UGT1A10: variants seen among roughly 807,000 people sequenced by gnomAD.
The protein encoded by UGT1A10 is UDP glucuronosyltransferase family 1 member A10, also known as UDP-glucuronosyltransferase 1A10.
UGT1A10 carries 49 observed loss-of-function variants against 45.8 expected under a neutral mutation model. That is an observed-to-expected ratio of 1.07 (90% CI 0.85 to 1.36). The LOEUF is 1.36. Among genes scored for constraint, UGT1A10 ranks in the 40% most tolerant of loss-of-function variants. UGT1A10 has a pLI of 0.00. For synonymous variants in UGT1A10, 284 were observed against 249.7 expected, an observed-to-expected ratio of 1.14 and a Z score of -1.29; for missense variants, 745 against 668.6, an observed-to-expected ratio of 1.11 and a Z score of -1.26.
At chr2:233,767,711 C>G (rs990338657) in intron 2 of UGT1A10, 138 bp from the exon 3 acceptor site, 47 of 1,530,966 alleles carry the variant, frequency 3.1e-5, no homozygotes, top group Non-Finnish European at 4.1e-5. Flanking sequence ...TCCTCAGAAG[C>G]CTTCACAGTT....
At chr2:233,726,020 T>C (rs1287334417) in intron 1 of UGT1A10, among the ~76,000 whole-genome samples, 1 of 152,052 alleles carries the variant, frequency 6.6e-6, no homozygotes, top group African/African-American at 2.4e-5. Context: ...CAAAAAATTA[T>C]CCAGGTGTGA....
intron 1 of UGT1A10, among the ~76,000 whole-genome samples, chr2:233,762,341 A>C (rs1325926558): frequency 6.6e-6 from 1 of 152,206 alleles, no homozygotes; most frequent in Non-Finnish European, 1.5e-5. Flanking sequence ...AGCTCTTTTT[A>C]GTTCTTTGTA....
chr2:233,743,560 C>T (rs1242175284), intron 1 of UGT1A10: 1 of 1,367,302 alleles, frequency 7.3e-7, no homozygotes. Context: ...AAATATTCTC[C>T]AGCGGGTTTC....
In UGT1A10 at chr2:233,745,331, C is replaced by A. The variant is rs932563797; in HGVS notation, c.856-21703C>A. Among the ~76,000 whole-genome samples, 35 of 151,966 alleles carry A rather than the reference C, an allele frequency of 2.3e-4. 1 individual carries two copies. The highest frequency in any genetic ancestry group is 8.2e-4 in the African/African-American group (34 of 41,248). ...ATTATTTCCACTAGAACTGCTATAT[C>A]ATGACCATGAATTTTGGGGGAATTT... is the stretch of plus-strand genomic sequence containing the variant. On this transcript the variant is annotated intron_variant, in intron 1 of 4. Transcript: ENST00000344644.
At chr2:233,737,433 A>G (rs1419343847) in intron 1 of UGT1A10, among the ~76,000 whole-genome samples, 1 of 152,146 alleles carries the variant, frequency 6.6e-6, no homozygotes, top group Non-Finnish European at 1.5e-5. Context: ...TTTGGGTGGG[A>G]GTGTCCCGTT....
rs28900383 is a variant in UGT1A10, at chr2:233,748,795, A to T, written c.856-18239A>T. Among the ~76,000 whole-genome samples the T allele has an allele frequency of 9.8e-3, 1,488 of 151,368 alleles. 50 individuals are homozygous for T. The highest frequency in any genetic ancestry group is 0.035 in the African/African-American group (1,419 of 40,884). ...ATTGGGTCTTCTACTTGGAATGCTGAAATTATCAAGAAATTGTGGAAGGGT... is the reference window on the plus strand; with the variant it reads ...ATTGGGTCTTCTACTTGGAATGCTGTAATTATCAAGAAATTGTGGAAGGGT... On this transcript the variant is annotated intron_variant, in intron 1 of 4. Transcript: ENST00000344644.
At chr2:233,690,030 T>C in intron 1 of UGT1A10, 1 of 429,918 alleles carries the variant, frequency 2.3e-6, no homozygotes, top group South Asian at 1.7e-5. Flanking sequence ...CCTCAAGATC[T>C]GGGCCCAGAG....
intron 1 of UGT1A10, among the ~76,000 whole-genome samples, chr2:233,671,674 G>A (rs1296759173): frequency 6.6e-6 from 1 of 152,186 alleles, no homozygotes; most frequent in Non-Finnish European, 1.5e-5. Context: ...ACTTAACATT[G>A]CAGCACAGGG....
At chr2:233,713,670 G>GT in intron 1 of UGT1A10, 1 of 1,613,956 alleles carries the variant, frequency 6.2e-7, no homozygotes, top group Non-Finnish European at 8.5e-7. Context: ...TTGCCATGCT[G>GT]TTTCTGCTCC....
chr2:233,638,593 A>G (rs2073366614), intron 1 of UGT1A10, among the ~76,000 whole-genome samples: 2 of 152,224 alleles, frequency 1.3e-5, no homozygotes, highest in South Asian at 2.1e-4. Context: ...GAAAAATACC[A>G]GAATAAGATT....
rs1274189847 is a variant in UGT1A10, at chr2:233,773,108, T to A, written c.*549T>A. 6.4e-6 allele frequency: 1 copy of A among 155,390 alleles called. No individual in the cohort carries two copies. The highest frequency in any genetic ancestry group is 2.4e-5 in the African/African-American group (1 of 41,446). The allele number at this position is 155,390 out of a possible 1,614,324, so 9.6% of individuals were successfully genotyped here. A position where few individuals can be genotyped will look rare whatever the true frequency, so the allele number is the denominator to read the frequency against. On this transcript the variant is annotated 3_prime_UTR_variant, in exon 5 of 5. Coordinates refer to ENST00000344644, the MANE Select transcript of UGT1A10 (RefSeq NM_019075.4). ...AGTGCACTGAGAACAGCATATGATT[T>A]CTTGCTTTGGGGAAAAAGAATGATG...
intron 1 of UGT1A10, among the ~76,000 whole-genome samples, chr2:233,674,614 T>A (rs879425971): frequency 6.6e-6 from 1 of 151,084 alleles, no homozygotes; most frequent in South Asian, 2.1e-4. Flanking sequence ...AACATCAAAC[T>A]ATATATGGTT....
chr2:233,661,623 T>TTTTCTTTCTTTCTTTATTTCTTTC (rs1265546183), intron 1 of UGT1A10, among the ~76,000 whole-genome samples: 12 of 124,046 alleles, frequency 9.7e-5, no homozygotes, highest in African/African-American at 2.9e-4. Context: ...ACTTACTGAA[T>TTTTCTTTCTTTCTTTATTTCTTTC]TTTCTTTCTT....
intron 1 of UGT1A10, among the ~76,000 whole-genome samples, chr2:233,667,112 G>T (rs549701191): frequency 4.6e-5 from 7 of 152,036 alleles, no homozygotes; most frequent in African/African-American, 1.7e-4. Context: ...ATAAACATAC[G>T]TGTGCATGTG....
intron 1 of UGT1A10, among the ~76,000 whole-genome samples, chr2:233,738,179 C>T (rs577754213): frequency 2.6e-5 from 4 of 152,258 alleles, no homozygotes; most frequent in African/African-American, 4.8e-5. Context: ...TCATGTAAGA[C>T]GTGTCTTTGC....
At chr2:233,724,372 TGCCGGGC>T (rs1434550848) in intron 1 of UGT1A10, among the ~76,000 whole-genome samples, 1 of 143,294 alleles carries the variant, frequency 7.0e-6, no homozygotes, top group Non-Finnish European at 1.5e-5. Context: ...ACGGGGTGGC[TGCCGGGC>T]GGAGACGCTC....
rs1430116082 is a variant in UGT1A10 at position 233,769,294 on chromosome 2, T to A, written c.1295+855T>A. ...AGGGCAAATGATTTCTGGATTAAAGTTAGTATATTACTGTCAAGCTCACTG... is the reference window on the plus strand; with the variant it reads ...AGGGCAAATGATTTCTGGATTAAAGATAGTATATTACTGTCAAGCTCACTG... On this transcript the variant is annotated intron_variant, in intron 4 of 4. Coordinates refer to ENST00000344644, the MANE Select transcript of UGT1A10 (RefSeq NM_019075.4). This position sits in a 1 kb window ranked among gnomAD's most constrained non-coding sequence, Gnocchi z 4.4. Among the ~76,000 whole-genome samples, 2 of 152,234 alleles carry A rather than the reference T, an allele frequency of 1.3e-5. No homozygotes were observed. The highest frequency in any genetic ancestry group is 4.8e-5 in the African/African-American group (2 of 41,454).
At chr2:233,744,164 C>T (rs974356538) in intron 1 of UGT1A10, 1 of 281,484 alleles carries the variant, frequency 3.6e-6, no homozygotes, top group African/African-American at 2.2e-5. Context: ...GCCCCGCCCA[C>T]TCCGGCCTCC....
At chr2:233,758,400 T>C (rs1696865651) in intron 1 of UGT1A10, among the ~76,000 whole-genome samples, 1 of 152,196 alleles carries the variant, frequency 6.6e-6, no homozygotes, top group African/African-American at 2.4e-5. Context: ...TTATAGCCCC[T>C]TTACTGTCTA....
Sources: gnomAD v4.1 joint callset for allele counts (sites outside exome capture counted in the v4.1 genomes callset) on GRCh38, gnomAD v4.1.1 for gene constraint, Gnocchi (gnomAD v3.1) non-coding constraint, MANE v1.5 for transcripts, NCBI Gene and HGNC (gene_info 2026-07-23, HGNC 2026-07-21) for gene names.